Variants in VRK2 observed in about 807,000 individuals in gnomAD.
The protein encoded by VRK2 is VRK serine/threonine kinase 2.
VRK2 carries 60 observed loss-of-function variants against 57.6 expected under a neutral mutation model. The observed-to-expected ratio is 1.04, with a 90% CI of 0.85 to 1.29. The LOEUF is 1.29. Among genes scored for constraint, VRK2 ranks in the 50% most tolerant of loss-of-function variants. The pLI, the probability that VRK2 is intolerant of heterozygous loss-of-function variation, is 0.00. For missense variants in VRK2, 705 were observed against 588.1 expected (o/e 1.20, Z -2.06); for synonymous variants, 231 against 199.2 (o/e 1.16, Z -1.35).
At chr2:57,931,814 CTT>C (rs55860900) in intron 1 of VRK2, among the ~76,000 whole-genome samples, 89,502 of 143,334 alleles carry the variant, frequency 0.62, 27,256 homozygotes, top group African/African-American at 0.68. Context: ...GATCAACTTT[CTT>C]TTTTTTTTTT....
chr2:57,987,680 G>A (rs373959025), intron 1 of VRK2, among the ~76,000 whole-genome samples: 10 of 152,116 alleles, frequency 6.6e-5, no homozygotes, highest in Non-Finnish European at 1.5e-4. Flanking sequence ...AAAAATTTAT[G>A]TTCACACAAA....
intron 1 of VRK2, among the ~76,000 whole-genome samples, chr2:57,960,289 T>G (rs1174048988): frequency 6.6e-6 from 1 of 152,146 alleles, no homozygotes; most frequent in African/African-American, 2.4e-5. Flanking sequence ...AGGGAGAAGT[T>G]AATTTGTCAC....
intron 1 of VRK2, among the ~76,000 whole-genome samples, chr2:58,021,459 C>T (rs1206484337): frequency 1.3e-5 from 2 of 152,010 alleles, no homozygotes; most frequent in East Asian, 3.9e-4. Context: ...TTCTTAATCC[C>T]AATTTATACG....
intron 1 of VRK2, among the ~76,000 whole-genome samples, chr2:57,975,012 T>C (rs534661416): frequency 6.6e-6 from 1 of 151,972 alleles, no homozygotes; most frequent in Non-Finnish European, 1.5e-5. Context: ...TTTTAAGATA[T>C]GTTAAACTTT....
intron 3 of VRK2, among the ~76,000 whole-genome samples, chr2:58,036,883 T>C (rs1674291850): frequency 6.6e-6 from 1 of 152,088 alleles, no homozygotes; most frequent in Non-Finnish European, 1.5e-5. Context: ...TAAGGAGCAC[T>C]TGAAACATAA....
chr2:58,032,454 T>C (rs116241694), intron 2 of VRK2, among the ~76,000 whole-genome samples: 1,866 of 152,176 alleles, frequency 0.012, 45 homozygotes, highest in African/African-American at 0.042. Context: ...GTGAGCCCTC[T>C]GTGTTCCCTT....
At chr2:57,910,617 G>A (rs1669959040) in intron 1 of VRK2, among the ~76,000 whole-genome samples, 2 of 151,976 alleles carry the variant, frequency 1.3e-5, no homozygotes, top group African/African-American at 2.4e-5. Flanking sequence ...TCTTTATAAT[G>A]TTGCCAACCT....
chr2:58,103,782 A>G (rs996230872), intron 7 of VRK2, among the ~76,000 whole-genome samples: 2 of 151,702 alleles, frequency 1.3e-5, no homozygotes, highest in Non-Finnish European at 3.0e-5. Context: ...AAGCTAAACA[A>G]GGACAAAACA....
In VRK2 at chr2:58,146,358, C is replaced by T; in HGVS notation, c.1066C>T (p.His356Tyr). The T allele has an allele frequency of 1.2e-6, 2 of 1,611,104 alleles. No individual in the cohort carries two copies. The highest frequency in any genetic ancestry group is 1.7e-5 in the Admixed American group (1 of 59,780). The change falls in exon 12 of 13, where the codon CAC becomes TAC. Residue 356 changes from histidine to tyrosine, a missense_variant. By Grantham distance (83) the His-to-Tyr change is moderately conservative. Transcript: ENST00000340157. ...TGCAACAAAGCAAGTCAACAAGGCA[C>T]ACAATAGGTTAATCGAAAAAAAAGT... Reference protein sequence around the residue: ...KAATKQVNKAHNRLIEKKVHS... With the variant: ...KAATKQVNKAYNRLIEKKVHS...
rs1287863751 is a variant in VRK2, at chr2:58,063,101, T to C, written c.136+14134T>C. Among the ~76,000 whole-genome samples the C allele has an allele frequency of 2.0e-5, 3 of 152,074 alleles. No homozygotes were observed. In the East Asian group the frequency reaches 5.8e-4, roughly 29 times the overall value. On this transcript the variant is annotated intron_variant, in intron 2 of 12. Coordinates refer to ENST00000340157, the MANE Select transcript of VRK2 (RefSeq NM_006296.7). ...CTTAAGAATTATGTTTACTATCTAT[T>C]CTGCTTGTACCCTGTAAATGGAACA...
intron 1 of VRK2, among the ~76,000 whole-genome samples, chr2:57,945,008 A>G (rs569317689): frequency 2.6e-5 from 4 of 152,176 alleles, no homozygotes; most frequent in Non-Finnish European, 5.9e-5. Flanking sequence ...GGAAACAGAG[A>G]CTCAGCATGG....
At chr2:58,022,552 G>A (rs1217400058) in intron 1 of VRK2, among the ~76,000 whole-genome samples, 2 of 152,166 alleles carry the variant, frequency 1.3e-5, no homozygotes, top group African/African-American at 4.8e-5. Context: ...TTCTGTGATG[G>A]TGTCACAAAA....
intron 3 of VRK2, among the ~76,000 whole-genome samples, chr2:58,036,885 G>C (rs969675168): frequency 1.3e-5 from 2 of 152,008 alleles, no homozygotes; most frequent in African/African-American, 4.8e-5. Context: ...AGGAGCACTT[G>C]AAACATAACT....
rs181762815 is a variant in VRK2 at position 58,026,383 on chromosome 2, A to G, written c.-333+613A>G. ...TATCTAGTTTATGTAAATAATTTCTATAGCATGAGAACATCCTATATGTTT... is the reference window on the plus strand; with the variant it reads ...TATCTAGTTTATGTAAATAATTTCTGTAGCATGAGAACATCCTATATGTTT... On this transcript the variant is annotated intron_variant, in intron 2 of 15. Transcript: ENST00000417641. 1.5e-4 allele frequency among the ~76,000 whole-genome samples: 23 copies of G among 152,270 alleles called. 1 individual carries two copies. The East Asian group carries it at 4.4e-3, about 29-fold the overall frequency.
intron 2 of VRK2, among the ~76,000 whole-genome samples, chr2:58,065,176 CTT>C (rs1446516871): frequency 6.6e-6 from 1 of 151,860 alleles, no homozygotes; most frequent in African/African-American, 2.4e-5. Context: ...AGAAAAAAAT[CTT>C]TGTACATTTC....
chr2:58,077,623 A>G (rs566500407), intron 2 of VRK2, among the ~76,000 whole-genome samples: 1 of 152,060 alleles, frequency 6.6e-6, no homozygotes, highest in African/African-American at 2.4e-5. Flanking sequence ...AGATATTTCC[A>G]TAATAATCAA....
chr2:57,952,834 A>T (rs1671469060), intron 1 of VRK2, among the ~76,000 whole-genome samples: 1 of 151,882 alleles, frequency 6.6e-6, no homozygotes, highest in African/African-American at 2.4e-5. Flanking sequence ...AGCCAGGGCC[A>T]TCTCCACTGA....
chr2:57,911,637 A>T (rs542524433), intron 1 of VRK2, among the ~76,000 whole-genome samples: 19 of 152,338 alleles, frequency 1.2e-4, no homozygotes, highest in African/African-American at 4.3e-4. Context: ...AAAGAACTAG[A>T]TAAACTTGAA....
intron 10 of VRK2, among the ~76,000 whole-genome samples, 186 bp downstream of exon 10, chr2:58,135,385 C>G (rs572096854): frequency 6.7e-6 from 1 of 149,388 alleles, no homozygotes; most frequent in East Asian, 2.0e-4. Context: ...AACATTAGAA[C>G]ACAAAAAACC....
Sources: gnomAD v4.1 joint callset for allele counts (sites outside exome capture counted in the v4.1 genomes callset) on GRCh38, gnomAD v4.1.1 for gene constraint, MANE v1.5 for transcripts, NCBI Gene and HGNC (gene_info 2026-07-23, HGNC 2026-07-21) for gene names.